SPON1: variants seen among roughly 807,000 people sequenced by gnomAD.
The protein encoded by SPON1 is spondin 1.
SPON1 carries 52 observed loss-of-function variants against 111.7 expected under a neutral mutation model. That is an observed-to-expected ratio of 0.47 (90% CI 0.37 to 0.59). The LOEUF is 0.59. Ranked by LOEUF, SPON1 falls within the 20% of genes least tolerant of loss-of-function variation. The pLI is 0.00. For synonymous variants in SPON1, 410 were observed against 395.8 expected, an observed-to-expected ratio of 1.04 and a Z score of -0.43; for missense variants, 957 against 1,068.5, an observed-to-expected ratio of 0.90 and a Z score of 1.46.
At chr11:13,971,762 T>C (rs1848064910) in intron 1 of SPON1, among the ~76,000 whole-genome samples, 1 of 152,144 alleles carries the variant, frequency 6.6e-6, no homozygotes, top group Non-Finnish European at 1.5e-5. Context: ...CCTGTTACTA[T>C]GGGACACACT....
At chr11:14,071,599 G>C (rs1391914583) in intron 3 of SPON1, among the ~76,000 whole-genome samples, 1 of 152,162 alleles carries the variant, frequency 6.6e-6, no homozygotes, top group African/African-American at 2.4e-5. Context: ...ATTGGTAGTA[G>C]AATGATACTA....
At chr11:14,192,460 C>T (rs541700701) in intron 6 of SPON1, among the ~76,000 whole-genome samples, 5 of 152,090 alleles carry the variant, frequency 3.3e-5, no homozygotes, top group African/African-American at 1.2e-4. Flanking sequence ...GATATATTTG[C>T]CTGTCTCTAA....
Position 14,091,315 on chromosome 11 carries a change from T to C in SPON1, c.676+11294T>C, listed in dbSNP as rs567448866. On this transcript the variant is annotated intron_variant, in intron 5 of 15. Coordinates refer to ENST00000576479, the MANE Select transcript of SPON1 (RefSeq NM_006108.4). ...CAGGTGGAGCTGCCTGCCAGTCCCGTGCCGAGCGCTGGCATTCCTCAGCCC... is the reference window on the plus strand; with the variant it reads ...CAGGTGGAGCTGCCTGCCAGTCCCGCGCCGAGCGCTGGCATTCCTCAGCCC... 1.3e-4 allele frequency among the ~76,000 whole-genome samples: 19 copies of C among 151,642 alleles called. No homozygotes were observed. In the South Asian group the frequency reaches 3.5e-3, roughly 28 times the overall value.
intron 6 of SPON1, among the ~76,000 whole-genome samples, chr11:14,195,557 T>C (rs1366722269): frequency 6.6e-6 from 1 of 152,118 alleles, no homozygotes; most frequent in Non-Finnish European, 1.5e-5. Flanking sequence ...GAGGGTGAAA[T>C]GTCAGGTCCT....
At chr11:14,231,805 T>TA (rs1157700129) in intron 6 of SPON1, among the ~76,000 whole-genome samples, 6 of 149,808 alleles carry the variant, frequency 4.0e-5, no homozygotes, top group African/African-American at 7.3e-5. Flanking sequence ...CAGCAATGTC[T>TA]AAAAAAAAAA....
chr11:13,974,831 C>T (rs1419026788), intron 1 of SPON1, among the ~76,000 whole-genome samples: 2 of 152,178 alleles, frequency 1.3e-5, no homozygotes, highest in African/African-American at 4.8e-5. Flanking sequence ...CATTGAAGGC[C>T]TTTGATCATC....
intron 6 of SPON1, among the ~76,000 whole-genome samples, chr11:14,235,393 A>T (rs76633677): frequency 6.6e-6 from 1 of 152,192 alleles, no homozygotes; most frequent in Non-Finnish European, 1.5e-5. Flanking sequence ...TAAAAAGTAA[A>T]TAAGGCAGGA....
In SPON1 at chr11:14,228,290, G is replaced by A. The variant is rs1369677438; in HGVS notation, c.826-15042G>A. ...ACACGTATCCTTTGGGCTTTACCTAGTCAAAATGTCTTTGATTTGTTAACT... is the reference window on the plus strand; with the variant it reads ...ACACGTATCCTTTGGGCTTTACCTAATCAAAATGTCTTTGATTTGTTAACT... On this transcript the variant is annotated intron_variant, in intron 6 of 15. Coordinates refer to ENST00000576479, the MANE Select transcript of SPON1 (RefSeq NM_006108.4). This position sits in a 1 kb window ranked among gnomAD's most constrained non-coding sequence, Gnocchi z 4.2. Among the ~76,000 whole-genome samples, 3 of 152,218 alleles carry A rather than the reference G, an allele frequency of 2.0e-5. No homozygotes were observed. Among genetic ancestry groups the A allele is most frequent in the Non-Finnish European group, 4.4e-5 (3 of 68,030 alleles).
chr11:13,962,894 G>C lies in SPON1; in HGVS notation c.-11G>C, dbSNP rs782696111. The C allele has an allele frequency of 6.7e-7, 1 of 1,500,324 alleles. No homozygotes were observed. Among genetic ancestry groups the C allele is most frequent in the East Asian group, 2.7e-5 (1 of 37,246 alleles). 92.9% of individuals were successfully genotyped at this position (1,500,324 alleles called of 1,614,324 possible). ...GCCTGCGGCCGCGGCACAAAGTTGG[G>C]GGCCGCGAAGATGAGGCTGTCCCCG... On this transcript the variant is annotated 5_prime_UTR_variant, in exon 1 of 16. Transcript: ENST00000576479.
intron 6 of SPON1, among the ~76,000 whole-genome samples, chr11:14,176,059 G>T (rs1358250474): frequency 6.6e-6 from 1 of 152,068 alleles, no homozygotes; most frequent in Admixed American, 6.6e-5. Context: ...CCTCTGAAGG[G>T]TAATTCATAT....
intron 6 of SPON1, among the ~76,000 whole-genome samples, chr11:14,193,081 C>A (rs1010025008): frequency 6.6e-6 from 1 of 152,192 alleles, no homozygotes; most frequent in Admixed American, 6.5e-5. Flanking sequence ...CAGAGCAAGT[C>A]TCTGATGTAT....
In SPON1 at chr11:14,236,713, T is replaced by C. The variant is rs564321547; in HGVS notation, c.826-6619T>C. On this transcript the variant is annotated intron_variant, in intron 6 of 15. Transcript: ENST00000576479. ...AGCGAGGGAGACTGAGAAGGAAGAGTTGATGAAGTGGAAAGAAAATCAGAG... is the reference window on the plus strand; with the variant it reads ...AGCGAGGGAGACTGAGAAGGAAGAGCTGATGAAGTGGAAAGAAAATCAGAG... Among the ~76,000 whole-genome samples, 21 of 151,412 alleles carry C rather than the reference T, an allele frequency of 1.4e-4. No individual in the cohort carries two copies. In the South Asian group the frequency reaches 4.4e-3, roughly 32 times the overall value.
chr11:14,160,535 T>A (rs868959896), intron 6 of SPON1, among the ~76,000 whole-genome samples: 1 of 11,994 alleles, frequency 8.3e-5, no homozygotes, highest in Admixed American at 1.9e-3. Flanking sequence ...ATATATATAT[T>A]TATATATATA....
intron 6 of SPON1, among the ~76,000 whole-genome samples, chr11:14,208,329 C>G (rs1263527517): frequency 3.9e-5 from 6 of 151,964 alleles, no homozygotes; most frequent in Admixed American, 2.0e-4. Context: ...ATGTAACAAA[C>G]CTGCACATGT....
At chr11:14,216,745 C>T (rs1463659498) in intron 6 of SPON1, among the ~76,000 whole-genome samples, 1 of 152,124 alleles carries the variant, frequency 6.6e-6, no homozygotes, top group Non-Finnish European at 1.5e-5. Flanking sequence ...CATTCACAAC[C>T]CAAATTACCT....
chr11:13,969,119 C>G (rs1554908343), intron 1 of SPON1, among the ~76,000 whole-genome samples: 1 of 150,908 alleles, frequency 6.6e-6, no homozygotes, highest in Non-Finnish European at 1.5e-5. Context: ...GTGGCTCACA[C>G]CTGTAACCTC....
In SPON1 at chr11:14,079,904, A is replaced by T. The variant is rs377181559; in HGVS notation, c.559A>T (p.Thr187Ser). ...GACTTTTCTGACTGTTTCAGATTCC[A>T]CATTTGATGGGGTGACTGACAAACC... is the stretch of plus-strand genomic sequence containing the variant. Reference protein sequence around the residue: ...LTKKLCEQDSTFDGVTDKPIL... With the variant: ...LTKKLCEQDSSFDGVTDKPIL... Residue 187 changes from threonine (T) to serine (S), a missense_variant, in exon 5 of 16, where the codon ACA becomes TCA. Thr to Ser is a moderately conservative substitution (Grantham distance 58). Coordinates refer to ENST00000576479, the MANE Select transcript of SPON1 (RefSeq NM_006108.4). 5.3e-5 allele frequency: 85 copies of T among 1,613,934 alleles called. No homozygotes were observed. The highest frequency in any genetic ancestry group is 1.8e-4 in the South Asian group (16 of 91,076).
Position 14,184,726 on chromosome 11 carries a change from G to C in SPON1, c.825+49158G>C, listed in dbSNP as rs559456470. Among the ~76,000 whole-genome samples the C allele has an allele frequency of 1.2e-3, 176 of 152,274 alleles. 1 individual carries two copies. The Middle Eastern group carries it at 0.024, about 21-fold the overall frequency. On this transcript the variant is annotated intron_variant, in intron 6 of 15. Coordinates refer to ENST00000576479, the MANE Select transcript of SPON1 (RefSeq NM_006108.4). ...AACATTAGACATCCAGCTCTGGGCT[G>C]CTGGCCCTTCCCTCATCCCAAGGTC...
intron 7 of SPON1, 66 bp downstream of exon 7, chr11:14,243,462 AT>A (rs1554939937): frequency 7.7e-7 from 1 of 1,298,874 alleles, no homozygotes; most frequent in Non-Finnish European, 1.1e-6. Context: ...CACCTACCTA[AT>A]GGCCACCACA....
Sources: gnomAD v4.1 joint callset for allele counts (sites outside exome capture counted in the v4.1 genomes callset) on GRCh38, gnomAD v4.1.1 for gene constraint, Gnocchi (gnomAD v3.1) non-coding constraint, MANE v1.5 for transcripts, NCBI Gene and HGNC (gene_info 2026-07-23, HGNC 2026-07-21) for gene names.